RPGRIP1: variants seen among roughly 807,000 people sequenced by gnomAD.
The protein encoded by RPGRIP1 is RPGR interacting protein 1, also known as X-linked retinitis pigmentosa GTPase regulator-interacting protein 1.
A neutral mutation model predicts 157.9 loss-of-function variants in RPGRIP1; 128 were observed. The observed-to-expected ratio is 0.81, with a 90% confidence interval of 0.70 to 0.94. RPGRIP1 has a LOEUF of 0.94. Among genes scored for constraint, RPGRIP1 ranks in the 40% least tolerant of loss-of-function variants. The pLI is 0.00. For synonymous variants in RPGRIP1, 554 were observed against 571.6 expected (o/e 0.97, Z 0.44); for missense variants, 1,486 against 1,545.8 (o/e 0.96, Z 0.65).
chr14:21,334,085 GCTAATT>G (rs1192064921), intron 20 of RPGRIP1, among the ~76,000 whole-genome samples: 2 of 151,950 alleles, frequency 1.3e-5, no homozygotes, highest in African/African-American at 2.4e-5. Flanking sequence ...ACCAAGCCAG[GCTAATT>G]TTGCATTTTT....
intron 3 of RPGRIP1, among the ~76,000 whole-genome samples, chr14:21,296,967 A>C (rs1393785591): frequency 6.6e-6 from 1 of 151,996 alleles, no homozygotes; most frequent in Non-Finnish European, 1.5e-5. Context: ...AAAAAAAAAA[A>C]AGTATTAATT....
At chr14:21,324,237 AC>A (rs1172320221) in intron 14 of RPGRIP1, 1 of 321,636 alleles carries the variant, frequency 3.1e-6, no homozygotes, top group African/African-American at 2.2e-5. Context: ...AATATACCAA[AC>A]TTGTAGAAAT....
In RPGRIP1 at chr14:21,324,780, T is replaced by C; in HGVS notation, c.1925T>C (p.Leu642Pro). The change falls in exon 15 of 25, where the codon CTA becomes CCA. Residue 642 changes from leucine (L) to proline (P), a missense_variant. Leu to Pro is a moderately conservative substitution (Grantham distance 98). Transcript: ENST00000400017. ...IHQAFLTSAALAQAGDTQPTT... is the reference protein window; with the variant it reads ...IHQAFLTSAAPAQAGDTQPTT... ...CAGGCCTTCCTGACATCTGCCGCCC[T>C]AGCTCAGGCTGGAGATACCCAACCT... is the stretch of plus-strand genomic sequence containing the variant. 6.2e-7 allele frequency: 1 copy of C among 1,614,066 alleles called. No homozygotes were observed. The highest frequency in any genetic ancestry group is 8.5e-7 in the Non-Finnish European group (1 of 1,179,896).
intron 2 of RPGRIP1, among the ~76,000 whole-genome samples, chr14:21,294,326 G>T (rs945239832): frequency 1.3e-5 from 2 of 151,508 alleles, no homozygotes; most frequent in African/African-American, 2.4e-5. Flanking sequence ...TGCCTCCCAG[G>T]CTCAAGCAAT....
Position 21,300,732 on chromosome 14 carries a change from TAC to T in RPGRIP1, c.219-233_219-232del, listed in dbSNP as rs1234412132. 3.5e-3 allele frequency among the ~76,000 whole-genome samples: 505 copies of T among 144,544 alleles called. 3 individuals carry two copies. Among genetic ancestry groups the T allele is most frequent in the African/African-American group, 0.011 (442 of 38,984 alleles). The allele number at this position is 144,544 out of a possible 152,430, so 94.8% of individuals were successfully genotyped here. A position where few individuals can be genotyped will look rare whatever the true frequency, so the allele number is the denominator to read the frequency against. On this transcript the variant is annotated intron_variant, in intron 3 of 24. Coordinates refer to ENST00000400017, the MANE Select transcript of RPGRIP1 (RefSeq NM_020366.4). ...TTTTTTTTTTTTTTTTTTTTTTTTT[TAC>T]TAAGATAAGGGTGTAATCACTGCAA...
intron 1 of RPGRIP1, among the ~76,000 whole-genome samples, chr14:21,282,483 G>C (rs536711614): frequency 4.6e-5 from 7 of 151,954 alleles, no homozygotes; most frequent in African/African-American, 1.5e-4. Flanking sequence ...TGATCAGCCC[G>C]CCTCAGCCTC....
At position 21,312,479 on chromosome 14, in the gene RPGRIP1, A is replaced by G. The variant is rs2139176304; in HGVS notation, c.1124A>G (p.Asn375Ser). 1 of 1,611,244 alleles carries G rather than the reference A, an allele frequency of 6.2e-7. No homozygotes were observed. The highest frequency in any genetic ancestry group is 2.2e-5 in the East Asian group (1 of 44,848). The change falls in exon 10 of 25, where the codon AAT becomes AGT. Residue 375 changes from asparagine to serine, a missense_variant. Coordinates refer to ENST00000400017, the MANE Select transcript of RPGRIP1 (RefSeq NM_020366.4). ...EDLEKERKLL[N>S]DNYDKLLESM... ...TTGGAAAAAGAACGAAAATTGCTGA[A>G]TGACAATTATGACAAACTCTTAGAA... is the stretch of plus-strand genomic sequence containing the variant.
At chr14:21,340,780 A>G (rs1343814160) in intron 21 of RPGRIP1, among the ~76,000 whole-genome samples, 1 of 151,772 alleles carries the variant, frequency 6.6e-6, no homozygotes, top group African/African-American at 2.4e-5. Flanking sequence ...TACTCTTATA[A>G]AAGAACAAGT....
At position 21,301,028 on chromosome 14, in the gene RPGRIP1, C is replaced by T. The variant is rs1881002818; in HGVS notation, c.281C>T (p.Ala94Val). 1 of 1,612,376 alleles carries T rather than the reference C, an allele frequency of 6.2e-7. No individual in the cohort carries two copies. The highest frequency in any genetic ancestry group is 8.5e-7 in the Non-Finnish European group (1 of 1,179,342). The change falls in exon 4 of 25, where the codon GCG (alanine) becomes GTG (valine). Residue 94 changes from alanine to valine, a missense_variant. Ala to Val is a moderately conservative substitution (Grantham distance 64). Transcript: ENST00000400017. Reference protein sequence around the residue: ...AGRDLRVAEEAAPLSETARRG... With the variant: ...AGRDLRVAEEVAPLSETARRG... ...CGGGACCTGCGGGTCGCGGAGGAGG[C>T]GGCGCCGCTCTCGGAGACCGCAAGG...
chr14:21,308,765 G>A (rs532707636), intron 7 of RPGRIP1, among the ~76,000 whole-genome samples: 8 of 152,318 alleles, frequency 5.3e-5, no homozygotes, highest in Admixed American at 5.2e-4. Context: ...GACCTCATGT[G>A]CCGGGAAAAG....
At position 21,324,310 on chromosome 14, in the gene RPGRIP1, G is replaced by A. The variant is rs935240049; in HGVS notation, c.1763-308G>A. 27 of 424,568 alleles carry A rather than the reference G, an allele frequency of 6.4e-5. No individual in the cohort carries two copies. The Admixed American group carries it at 6.4e-4, about 10-fold the overall frequency. 26.3% of individuals were successfully genotyped at this position (424,568 alleles called of 1,614,324 possible). Reference sequence around the variant, plus strand: ...AATTACCAGTTAATCATAGGGCCACGATGTACACCAAAACAATGTCATATA... The same window carrying A: ...AATTACCAGTTAATCATAGGGCCACAATGTACACCAAAACAATGTCATATA... On this transcript the variant is annotated intron_variant, in intron 14 of 24. Transcript: ENST00000400017.
intron 4 of RPGRIP1, among the ~76,000 whole-genome samples, chr14:21,301,448 A>T (rs958377660): frequency 2.0e-5 from 3 of 152,070 alleles, no homozygotes; most frequent in Non-Finnish European, 4.4e-5. Flanking sequence ...CGCTGAGGGC[A>T]GAATCAGACA....
At chr14:21,318,632 CA>C (rs1188830904) in intron 11 of RPGRIP1, among the ~76,000 whole-genome samples, 2 of 151,968 alleles carry the variant, frequency 1.3e-5, no homozygotes, top group Non-Finnish European at 2.9e-5. Context: ...CCCACCACCA[CA>C]CCCAACTAAT....
chr14:21,287,651 G>T (rs1880347090), intron 1 of RPGRIP1, among the ~76,000 whole-genome samples: 1 of 151,994 alleles, frequency 6.6e-6, no homozygotes, highest in South Asian at 2.1e-4. Context: ...CAGAGAAAAG[G>T]GATGGTCATC....
At chr14:21,306,794 G>T (rs1881330987) in intron 6 of RPGRIP1, among the ~76,000 whole-genome samples, 1 of 150,326 alleles carries the variant, frequency 6.7e-6, no homozygotes, top group East Asian at 2.0e-4. Context: ...ATTATTTTTT[G>T]AGACAGTCTC....
intron 7 of RPGRIP1, among the ~76,000 whole-genome samples, chr14:21,309,949 G>T (rs1004430983): frequency 6.9e-6 from 1 of 144,432 alleles, no homozygotes; most frequent in Non-Finnish European, 1.5e-5. Flanking sequence ...ATTAGGTGTG[G>T]TGGGGGGCAC....
At chr14:21,298,663 C>T (rs912599513) in intron 3 of RPGRIP1, among the ~76,000 whole-genome samples, 3 of 151,276 alleles carry the variant, frequency 2.0e-5, no homozygotes, top group Non-Finnish European at 4.4e-5. Flanking sequence ...CAGGATTGGC[C>T]GGGCGTGGTG....
chr14:21,316,929 A>T (rs1384639250), intron 10 of RPGRIP1, among the ~76,000 whole-genome samples: 2 of 151,932 alleles, frequency 1.3e-5, no homozygotes, highest in Non-Finnish European at 2.9e-5. Flanking sequence ...AGACCAGCAC[A>T]GCCAACATTG....
At chr14:21,328,336 G>A (rs1391933125) in intron 18 of RPGRIP1, 88 bp from the exon 19 acceptor site, 2 of 943,260 alleles carry the variant, frequency 2.1e-6, no homozygotes, top group African/African-American at 3.3e-5. Context: ...GAGAAATGAA[G>A]TCTAACACTA....
Sources: allele counts gnomAD v4.1 joint callset (sites outside exome capture counted in the v4.1 genomes callset), GRCh38; gene constraint gnomAD v4.1.1; transcripts MANE v1.5; gene names NCBI Gene and HGNC (gene_info 2026-07-23, HGNC 2026-07-21).